ALOX5: variants seen among roughly 807,000 people sequenced by gnomAD.
The protein encoded by ALOX5 is polyunsaturated fatty acid 5-lipoxygenase.
Under a neutral mutation model 87.9 loss-of-function variants are expected in ALOX5, and 64 were observed. The observed-to-expected ratio is 0.73, with a 90% CI of 0.60 to 0.90. ALOX5 has a LOEUF of 0.90. Ranked by LOEUF, ALOX5 falls within the 40% of genes least tolerant of loss-of-function variation. ALOX5 has a pLI of 0.00. For missense variants in ALOX5, 822 were observed against 907.5 expected, an observed-to-expected ratio of 0.91 and a Z score of 1.21; for synonymous variants, 388 against 355.1, an observed-to-expected ratio of 1.09 and a Z score of -1.04.
chr10:45,393,715 A>G (rs561898003), intron 2 of ALOX5, among the ~76,000 whole-genome samples: 3 of 152,364 alleles, frequency 2.0e-5, no homozygotes, highest in African/African-American at 7.2e-5. Flanking sequence ...CCATTGTCTC[A>G]GCCCAAAATC....
chr10:45,388,023 T>A (rs11239506), intron 2 of ALOX5, among the ~76,000 whole-genome samples: 20,066 of 152,228 alleles, frequency 0.13, 1,598 homozygotes, highest in Non-Finnish European at 0.17. Flanking sequence ...AGTCAGGGAA[T>A]TCCCTTTCCT....
chr10:45,406,252 C>T (rs1378803711), intron 3 of ALOX5, among the ~76,000 whole-genome samples: 1 of 152,150 alleles, frequency 6.6e-6, no homozygotes, highest in Non-Finnish European at 1.5e-5. Context: ...ATAGAAAGCA[C>T]TGGATAAGTG....
At chr10:45,407,228 A>G (rs1321259724) in intron 3 of ALOX5, among the ~76,000 whole-genome samples, 2 of 152,052 alleles carry the variant, frequency 1.3e-5, no homozygotes, top group Non-Finnish European at 2.9e-5. Context: ...GAGAAATCTA[A>G]TGATAGTTTG....
Position 45,443,402 on chromosome 10 carries a change from GC to G in ALOX5, c.1452-9del. The G allele has an allele frequency of 1.3e-6, 2 of 1,597,494 alleles. No individual in the cohort carries two copies. Among genetic ancestry groups the G allele is most frequent in the Non-Finnish European group, 1.7e-6 (2 of 1,172,238 alleles). ...TGGCTGGGTCGCCCACCCCGGCTGCGCCCCCTGAGCCAGGTTCACGGCCGAG... is the reference window on the plus strand; with the variant it reads ...TGGCTGGGTCGCCCACCCCGGCTGCGCCCCTGAGCCAGGTTCACGGCCGAG... On this transcript the variant is annotated splice_polypyrimidine_tract_variant and intron_variant, in intron 10 of 13. Transcript: ENST00000374391.
chr10:45,436,493 T>C (rs1316058555), intron 7 of ALOX5, among the ~76,000 whole-genome samples: 1 of 152,214 alleles, frequency 6.6e-6, no homozygotes, highest in Non-Finnish European at 1.5e-5. Context: ...TCCAACACTA[T>C]TTATTGAATA....
Position 45,443,029 on chromosome 10 carries a change from C to A in ALOX5, c.1273-9C>A. On this transcript the variant is annotated splice_polypyrimidine_tract_variant and intron_variant, in intron 9 of 13. Transcript: ENST00000374391. ...CCACCCGCTCAGGGCACTCTACCTC[C>A]CACTCCAGGCCAACGCCACAGGGGG... 6.2e-7 allele frequency: 1 copy of A among 1,609,190 alleles called. No homozygotes were observed. Among genetic ancestry groups the A allele is most frequent in the Non-Finnish European group, 8.5e-7 (1 of 1,177,602 alleles).
intron 2 of ALOX5, among the ~76,000 whole-genome samples, chr10:45,394,367 T>C (rs1445416051): frequency 6.6e-6 from 1 of 152,246 alleles, no homozygotes; most frequent in African/African-American, 2.4e-5. Flanking sequence ...GGATTCCCTA[T>C]TTAATAAATG....
intron 4 of ALOX5, among the ~76,000 whole-genome samples, chr10:45,412,832 A>G (rs1841118922): frequency 6.6e-6 from 1 of 152,220 alleles, no homozygotes; most frequent in African/African-American, 2.4e-5. Context: ...GCCCCCAGCT[A>G]ATAAATGGCA....
chr10:45,416,799 G>A (rs941237755), intron 4 of ALOX5, among the ~76,000 whole-genome samples: 8 of 152,076 alleles, frequency 5.3e-5, no homozygotes, highest in Admixed American at 3.3e-4. Context: ...TATACGGATG[G>A]ATGGATTCAT....
intron 7 of ALOX5, among the ~76,000 whole-genome samples, chr10:45,430,886 G>A (rs1307156806): frequency 1.3e-5 from 2 of 152,174 alleles, no homozygotes; most frequent in Admixed American, 6.5e-5. Flanking sequence ...TAAAGCTGGT[G>A]TAAGCTTAGT....
rs571808300 is a variant in ALOX5, at chr10:45,400,407, C to T, written c.431+4471C>T. On this transcript the variant is annotated intron_variant, in intron 3 of 13. Coordinates refer to ENST00000374391, the MANE Select transcript of ALOX5 (RefSeq NM_000698.5). Reference sequence around the variant, plus strand: ...TTGAGGTCAGGAGTTTGAGACCAACCTGGCCAACATGGTGAAACCCCATGT... The same window carrying T: ...TTGAGGTCAGGAGTTTGAGACCAACTTGGCCAACATGGTGAAACCCCATGT... 2.4e-4 allele frequency among the ~76,000 whole-genome samples: 37 copies of T among 152,236 alleles called. 1 individual carries two copies. The highest frequency in any genetic ancestry group is 2.2e-3 in the Admixed American group (34 of 15,296).
intron 6 of ALOX5, among the ~76,000 whole-genome samples, chr10:45,426,486 C>A (rs1433930546): frequency 1.3e-5 from 2 of 152,230 alleles, no homozygotes; most frequent in Non-Finnish European, 2.9e-5. Flanking sequence ...CCTTAATGAT[C>A]TACAGCAAGC....
At chr10:45,430,382 A>G (rs1841866134) in intron 7 of ALOX5, among the ~76,000 whole-genome samples, 1 of 152,198 alleles carries the variant, frequency 6.6e-6, no homozygotes, top group Non-Finnish European at 1.5e-5. Context: ...GGTCCAAAAA[A>G]TAATAATAAT....
chr10:45,381,304 G>T (rs1271426384), intron 1 of ALOX5, among the ~76,000 whole-genome samples: 3 of 152,266 alleles, frequency 2.0e-5, no homozygotes, highest in African/African-American at 7.2e-5. Context: ...TCACCATGCA[G>T]CTGTGAACTG....
At chr10:45,442,078 T>A (rs1406416579) in intron 9 of ALOX5, among the ~76,000 whole-genome samples, 1 of 152,164 alleles carries the variant, frequency 6.6e-6, no homozygotes, top group Non-Finnish European at 1.5e-5. Context: ...TCAAACCAGC[T>A]GCAGCTGGAC....
chr10:45,377,006 G>A (rs550526197), intron 1 of ALOX5, among the ~76,000 whole-genome samples: 3 of 152,150 alleles, frequency 2.0e-5, no homozygotes, highest in Non-Finnish European at 4.4e-5. Flanking sequence ...AATTCAGATC[G>A]GATACGATAA....
In ALOX5 at chr10:45,379,713, C is replaced by T. The variant is rs567308988; in HGVS notation, c.151-2770C>T. On this transcript the variant is annotated intron_variant, in intron 1 of 13. Coordinates refer to ENST00000374391, the MANE Select transcript of ALOX5 (RefSeq NM_000698.5). ...GGCCTGTGCCTCTGGAGAAAGGAGG[C>T]CACCCAGGATGGTGTCATTTCATTT... Among the ~76,000 whole-genome samples the T allele has an allele frequency of 2.0e-5, 3 of 152,264 alleles. No individual in the cohort carries two copies. The South Asian group carries it at 6.2e-4, about 32-fold the overall frequency.
At chr10:45,375,194 A>G (rs944072752) in intron 1 of ALOX5, among the ~76,000 whole-genome samples, 1 of 152,218 alleles carries the variant, frequency 6.6e-6, no homozygotes, top group Non-Finnish European at 1.5e-5. Flanking sequence ...ACTCCCTCCC[A>G]GCAGAATGTA....
chr10:45,427,334 C>G (rs1207075601), intron 6 of ALOX5, among the ~76,000 whole-genome samples: 1 of 152,248 alleles, frequency 6.6e-6, no homozygotes, highest in African/African-American at 2.4e-5. Context: ...GCCCGACCAA[C>G]CCAAGGGTCT....
Sources: allele counts gnomAD v4.1 joint callset (sites outside exome capture counted in the v4.1 genomes callset), GRCh38; gene constraint gnomAD v4.1.1; transcripts MANE v1.5; gene names NCBI Gene and HGNC (gene_info 2026-07-23, HGNC 2026-07-21).